Variants in ZIM2 observed in about 807,000 individuals in gnomAD.
ZIM2 encodes zinc finger imprinted 2.
Under a neutral mutation model 38.6 loss-of-function variants are expected in ZIM2, and 14 were observed. The observed-to-expected ratio is 0.36, with a 90% CI of 0.24 to 0.57. ZIM2 has a LOEUF of 0.57. Ranked by LOEUF, ZIM2 falls within the 20% of genes least tolerant of loss-of-function variation. The probability of loss-of-function intolerance (pLI) is 0.81; values close to 1 mark genes in which losing one functional copy is unlikely to be tolerated. For missense variants in ZIM2, 680 were observed against 695.1 expected (o/e 0.98, Z 0.24); for synonymous variants, 247 against 245.8 (o/e 1.00, Z -0.04).
intron 9 of ZIM2, chr19:56,815,276 C>T (rs2059869580): frequency 1.2e-6 from 2 of 1,614,246 alleles, no homozygotes; most frequent in Non-Finnish European, 1.7e-6. Context: ...TGAGACTTCT[C>T]TTGGTCATAG....
intron 2 of ZIM2, among the ~76,000 whole-genome samples, chr19:56,830,857 G>T (rs904415287): frequency 6.6e-6 from 1 of 152,124 alleles, no homozygotes; most frequent in African/African-American, 2.4e-5. Flanking sequence ...GCCCTGGGAG[G>T]TGGAGGGGGC....
At position 56,836,055 on chromosome 19, in the gene ZIM2, T is replaced by C. The variant is rs1190103009; in HGVS notation, c.-264A>G. 1 of 509,132 alleles carries C rather than the reference T, an allele frequency of 2.0e-6. No homozygotes were observed. The highest frequency in any genetic ancestry group is 2.0e-5 in the Admixed American group (1 of 50,314). 31.5% of individuals were successfully genotyped at this position (509,132 alleles called of 1,614,324 possible). A position where few individuals can be genotyped will look rare whatever the true frequency, so the allele number is the denominator to read the frequency against. ...ACCTAGCGTTTGGACCTAGTCCCTC[T>C]TCCTCTCGCCAGTCGTCTCCAAGAA... On this transcript the variant is annotated 5_prime_UTR_variant, in exon 2 of 13. Transcript: ENST00000629319.
intron 1 of ZIM2, among the ~76,000 whole-genome samples, chr19:56,838,813 C>T (rs1046529886): frequency 6.6e-6 from 1 of 152,242 alleles, no homozygotes; most frequent in Non-Finnish European, 1.5e-5. Flanking sequence ...AGCTTTCCAT[C>T]ACCGCAAGGC....
chr19:56,821,512 C>G (rs74331223), intron 7 of ZIM2, 139 bp downstream of exon 7: 3 of 1,015,074 alleles, frequency 3.0e-6, no homozygotes, highest in African/African-American at 3.2e-5. Context: ...GGGATGGGCC[C>G]GGGCTCCTCC....
chr19:56,815,934 A>G (rs748368763), intron 9 of ZIM2: 2 of 1,605,522 alleles, frequency 1.2e-6, no homozygotes, highest in African/African-American at 2.7e-5. Context: ...CCACTAAGCT[A>G]TGGATAACAG....
chr19:56,779,092 A>G (rs185300379), intron 12 of ZIM2, among the ~76,000 whole-genome samples: 6 of 152,064 alleles, frequency 3.9e-5, no homozygotes, highest in South Asian at 2.1e-4. Context: ...TGTTTGTCTC[A>G]GTTAAAGAGG....
intron 9 of ZIM2, among the ~76,000 whole-genome samples, chr19:56,806,984 G>T (rs1007999861): frequency 6.6e-6 from 1 of 152,146 alleles, no homozygotes; most frequent in Non-Finnish European, 1.5e-5. Flanking sequence ...AAGATATTTT[G>T]TTATGGCAGC....
chr19:56,825,622 T>G (rs2060948337), intron 3 of ZIM2, among the ~76,000 whole-genome samples: 1 of 152,212 alleles, frequency 6.6e-6, no homozygotes. Flanking sequence ...TTTTTGCTAT[T>G]ATTTGCATTT....
chr19:56,808,791 C>A (rs1259193755), intron 9 of ZIM2, among the ~76,000 whole-genome samples: 1 of 152,154 alleles, frequency 6.6e-6, no homozygotes, highest in African/African-American at 2.4e-5. Flanking sequence ...CAGCCAGACT[C>A]CACAAGGCAC....
intron 1 of ZIM2, among the ~76,000 whole-genome samples, chr19:56,837,836 C>G (rs762689611): frequency 6.6e-6 from 1 of 151,912 alleles, no homozygotes; most frequent in Admixed American, 6.5e-5. Context: ...CCCCCGCCAC[C>G]GGCCAACACA....
chr19:56,824,541 G>A (rs1424894440), intron 3 of ZIM2, 114 bp from the exon 4 acceptor site: 2 of 1,613,980 alleles, frequency 1.2e-6, no homozygotes, highest in Non-Finnish European at 1.7e-6. Flanking sequence ...GAGTCAGTTG[G>A]ACCTTCTCCT....
At chr19:56,810,462 A>G in intron 9 of ZIM2, 2 of 984,318 alleles carry the variant, frequency 2.0e-6, no homozygotes, top group Non-Finnish European at 2.4e-6. Context: ...CACCCTAATA[A>G]TCACAGACTA....
rs1022361276 is a variant in ZIM2 at position 56,812,981 on chromosome 19, A to G, written c.490+4765T>C. On this transcript the variant is annotated intron_variant, in intron 9 of 12. Transcript: ENST00000629319. The stretch of plus-strand genomic sequence containing the variant: ...GGTTCCAAAGTGTTGGCGCAGATGA[A>G]ATGGCTGCAGAAAGAAGCTAAAGTA... The G allele has an allele frequency of 7.1e-6, 7 of 985,738 alleles. No individual in the cohort carries two copies. The African/African-American group carries it at 1.2e-4, about 17-fold the overall frequency. The allele number at this position is 985,738 out of a possible 1,614,324, so 61.1% of individuals were successfully genotyped here. A position where few individuals can be genotyped will look rare whatever the true frequency, so the allele number is the denominator to read the frequency against.
chr19:56,781,507 T>G lies in ZIM2; in HGVS notation c.739+446A>C, dbSNP rs145668911. ...AGTAAACATCATTTTGAGCCTTCCA[T>G]TGTGCTGAGAACTGGTGGAGCAAAC... On this transcript the variant is annotated intron_variant, in intron 11 of 12. Coordinates refer to ENST00000629319, the MANE Select transcript of ZIM2 (RefSeq NM_001387356.1). Among the ~76,000 whole-genome samples the G allele has an allele frequency of 4.0e-3, 609 of 152,302 alleles. 6 individuals are homozygous for G. The highest frequency in any genetic ancestry group is 0.014 in the Middle Eastern group (4 of 294).
At chr19:56,780,887 A>G (rs573716614) in intron 11 of ZIM2, among the ~76,000 whole-genome samples, 2 of 152,300 alleles carry the variant, frequency 1.3e-5, no homozygotes, top group South Asian at 4.1e-4. Flanking sequence ...ATAATCTTCT[A>G]TTTAGCCCAC....
chr19:56,823,475 G>T, intron 5 of ZIM2, 115 bp downstream of exon 5: 1 of 1,193,980 alleles, frequency 8.4e-7, no homozygotes, highest in Non-Finnish European at 1.2e-6. Context: ...TCTGAGTGAA[G>T]CTGACCACTC....
Position 56,792,231 on chromosome 19 carries a change from C to T in ZIM2, c.491-2280G>A, listed in dbSNP as rs137906741. Among the ~76,000 whole-genome samples, 1,119 of 152,018 alleles carry T rather than the reference C, an allele frequency of 7.4e-3. 3 individuals are homozygous for T. The highest frequency in any genetic ancestry group is 0.012 in the Non-Finnish European group (792 of 67,964). On this transcript the variant is annotated intron_variant, in intron 9 of 12. Coordinates refer to ENST00000629319, the MANE Select transcript of ZIM2 (RefSeq NM_001387356.1). The stretch of plus-strand genomic sequence containing the variant: ...CATGGGTGCAGCTGAAGCCATTAAC[C>T]TAAGCAAATTAACACAGAATCTGCG...
intron 3 of ZIM2, 142 bp downstream of exon 3, chr19:56,826,246 G>A (rs897436335): frequency 3.9e-5 from 6 of 152,236 alleles, no homozygotes; most frequent in African/African-American, 1.4e-4. Context: ...AAGAGCAGAG[G>A]TCTGTGCCTG....
At chr19:56,813,340 A>T in intron 9 of ZIM2, 1 of 1,057,472 alleles carries the variant, frequency 9.5e-7, no homozygotes, top group South Asian at 3.6e-5. Flanking sequence ...ATGAAACACT[A>T]TATATACGTT....
Sources: allele counts gnomAD v4.1 joint callset (sites outside exome capture counted in the v4.1 genomes callset), GRCh38; gene constraint gnomAD v4.1.1; transcripts MANE v1.5; gene names NCBI Gene and HGNC (gene_info 2026-07-23, HGNC 2026-07-21).